The following BAALC variants were observed in gnomAD, a reference collection of about 807,000 sequenced individuals.
BAALC encodes brain and acute leukemia cytoplasmic protein.
In BAALC, 9 loss-of-function variants were observed where a neutral mutation model predicts 15.5. The ratio of observed to expected loss-of-function variants is 0.58; its 90% CI spans 0.35 to 1.02. BAALC has a LOEUF of 1.02. BAALC is among the 50% of genes least tolerant of loss of function. The pLI is 0.02. For missense variants in BAALC, 201 were observed against 192.4 expected, an observed-to-expected ratio of 1.04 and a Z score of -0.27; for synonymous variants, 80 against 74.6, an observed-to-expected ratio of 1.07 and a Z score of -0.37.
intron 2 of BAALC, among the ~76,000 whole-genome samples, chr8:103,222,857 G>C (rs773852232): frequency 1.3e-5 from 2 of 152,100 alleles, no homozygotes; most frequent in East Asian, 3.8e-4. Flanking sequence ...AGTAGTCATC[G>C]TTTCAGTATA....
At chr8:103,161,377 T>C (rs567813949) in intron 1 of BAALC, among the ~76,000 whole-genome samples, 124 of 152,290 alleles carry the variant, frequency 8.1e-4, no homozygotes, top group Middle Eastern at 3.4e-3. Context: ...ATTTTTAAGA[T>C]AAAAGGCAGC....
At chr8:103,202,202 G>A (rs1812231321) in intron 1 of BAALC, among the ~76,000 whole-genome samples, 1 of 152,160 alleles carries the variant, frequency 6.6e-6, no homozygotes, top group Admixed American at 6.5e-5. Context: ...TAAAATTCAT[G>A]GCTTGAAGGC....
chr8:103,207,637 C>G lies in BAALC; in HGVS notation c.161-5282C>G, dbSNP rs576557670. Among the ~76,000 whole-genome samples, 4 of 152,214 alleles carry G rather than the reference C, an allele frequency of 2.6e-5. No homozygotes were observed. The East Asian group carries it at 5.8e-4, about 22-fold the overall frequency. On this transcript the variant is annotated intron_variant, in intron 1 of 2. Transcript: ENST00000309982. The stretch of plus-strand genomic sequence containing the variant: ...CAGTGAAAAGTAAATTTATGCCCTA[C>G]TTTTAGGCAAATGGCAGGGGGAGGG...
At position 103,180,395 on chromosome 8, in the gene BAALC, T is replaced by A. The variant is rs187314224; in HGVS notation, c.161-32524T>A. 7.9e-5 allele frequency among the ~76,000 whole-genome samples: 12 copies of A among 152,270 alleles called. No homozygotes were observed. In the East Asian group the frequency reaches 2.3e-3, roughly 29 times the overall value. ...CTGCACCCTGCAAGGCTCACGTGCT[T>A]GGCCTCAGAGAGGAAAGGGACTGGA... On this transcript the variant is annotated intron_variant, in intron 1 of 2. Transcript: ENST00000309982.
chr8:103,222,207 A>AT (rs1812691822), intron 2 of BAALC, among the ~76,000 whole-genome samples: 1 of 152,048 alleles, frequency 6.6e-6, no homozygotes, highest in African/African-American at 2.4e-5. Context: ...CAGGTTGTAA[A>AT]TTTTTTACAG....
At chr8:103,160,207 A>G (rs952895602) in intron 1 of BAALC, among the ~76,000 whole-genome samples, 2 of 152,182 alleles carry the variant, frequency 1.3e-5, no homozygotes, top group African/African-American at 4.8e-5. Context: ...TTTATTGAGA[A>G]TGAAAGTACA....
chr8:103,214,849 T>TG (rs1380859910), intron 2 of BAALC: 1 of 152,178 alleles, frequency 6.6e-6, no homozygotes, highest in African/African-American at 2.4e-5. Flanking sequence ...GAGAAGGTAA[T>TG]GAGGGGTGTA....
intron 1 of BAALC, among the ~76,000 whole-genome samples, chr8:103,149,363 C>T (rs1810937587): frequency 6.6e-6 from 1 of 152,238 alleles, no homozygotes; most frequent in Admixed American, 6.5e-5. Flanking sequence ...CAGGTGTCAC[C>T]TGCATCCCAG....
At chr8:103,179,965 AGTT>A (rs145001873) in intron 1 of BAALC, among the ~76,000 whole-genome samples, 564 of 152,250 alleles carry the variant, frequency 3.7e-3, no homozygotes, top group African/African-American at 0.012. Flanking sequence ...TGCAGAGGGA[AGTT>A]GTTGTTCCTG....
At chr8:103,184,005 G>T (rs2129981580) in intron 1 of BAALC, among the ~76,000 whole-genome samples, 1 of 152,304 alleles carries the variant, frequency 6.6e-6, no homozygotes, top group Non-Finnish European at 1.5e-5. Context: ...CCTACTGGAG[G>T]CTCCTTGGGA....
chr8:103,189,397 C>A (rs1811916871), intron 1 of BAALC, among the ~76,000 whole-genome samples: 2 of 152,176 alleles, frequency 1.3e-5, no homozygotes, highest in South Asian at 4.1e-4. Flanking sequence ...TAAATACGAT[C>A]AAAAACTGAA....
intron 1 of BAALC, among the ~76,000 whole-genome samples, chr8:103,154,934 AT>A (rs1811058224): frequency 1.3e-5 from 2 of 150,166 alleles, no homozygotes; most frequent in Admixed American, 6.6e-5. Context: ...ATATATATAT[AT>A]ATATAATATA....
At chr8:103,142,168 G>A (rs552597593) in intron 1 of BAALC, among the ~76,000 whole-genome samples, 8 of 152,310 alleles carry the variant, frequency 5.3e-5, no homozygotes, top group South Asian at 2.1e-4. Context: ...AAGGAAATGC[G>A]AATTACTTTT....
chr8:103,140,928 A>G lies in BAALC; in HGVS notation c.31A>G (p.Ile11Val). Residue 11 changes from isoleucine to valine, a missense_variant, in exon 1 of 3, where the codon ATC (isoleucine) becomes GTC (valine). Physicochemically the swap from Ile to Val is conservative, Grantham distance 29. Coordinates refer to ENST00000309982, the MANE Select transcript of BAALC (RefSeq NM_024812.3). The surrounding 1 kb of genome is among the most constrained non-coding windows in gnomAD (Gnocchi z 4.2). MGCGGSRADA[I>V]EPRYYESWTR... ...CTGCGGCGGGAGCCGGGCGGATGCC[A>G]TCGAGCCCCGCTACTACGAGAGCTG... 2 of 1,526,880 alleles carry G rather than the reference A, an allele frequency of 1.3e-6. No individual in the cohort carries two copies. The highest frequency in any genetic ancestry group is 1.4e-5 in the African/African-American group (1 of 69,598). The allele number at this position is 1,526,880 out of a possible 1,614,324, so 94.6% of individuals were successfully genotyped here.
intron 2 of BAALC, among the ~76,000 whole-genome samples, chr8:103,222,283 GA>G (rs1251027783): frequency 3.3e-5 from 5 of 152,134 alleles, no homozygotes; most frequent in African/African-American, 1.2e-4. Flanking sequence ...AAGGAAAACA[GA>G]GGAAAAAGGA....
chr8:103,211,020 AT>A (rs144181519), intron 1 of BAALC, among the ~76,000 whole-genome samples: 11 of 151,468 alleles, frequency 7.3e-5, no homozygotes, highest in Admixed American at 2.6e-4. Flanking sequence ...CTCACTCTTG[AT>A]TTTTTTTTCC....
chr8:103,203,893 C>T (rs1245133608), intron 1 of BAALC, among the ~76,000 whole-genome samples: 1 of 152,150 alleles, frequency 6.6e-6, no homozygotes, highest in East Asian at 1.9e-4. Context: ...GCTAAGAACA[C>T]TCATGAACAA....
chr8:103,179,789 G>T (rs1811685492), intron 1 of BAALC, among the ~76,000 whole-genome samples: 1 of 152,244 alleles, frequency 6.6e-6, no homozygotes. Flanking sequence ...GGTCTTCCTG[G>T]GGAGATAAGG....
intron 2 of BAALC, among the ~76,000 whole-genome samples, chr8:103,227,367 A>G (rs1812828633): frequency 6.6e-6 from 1 of 152,218 alleles, no homozygotes; most frequent in African/African-American, 2.4e-5. Context: ...AGATAACTGC[A>G]AAGATAGAAG....
Sources: allele counts gnomAD v4.1 joint callset (sites outside exome capture counted in the v4.1 genomes callset), GRCh38; gene constraint gnomAD v4.1.1; non-coding constraint Gnocchi (gnomAD v3.1); transcripts MANE v1.5; gene names NCBI Gene and HGNC (gene_info 2026-07-23, HGNC 2026-07-21).